The following THSD7B variants were observed in gnomAD, a reference collection of about 807,000 sequenced individuals.
The protein encoded by THSD7B is thrombospondin type-1 domain-containing protein 7B.
A neutral mutation model predicts 213.6 loss-of-function variants in THSD7B; 138 were observed. That is an observed-to-expected ratio of 0.65 (90% CI 0.56 to 0.74). THSD7B has a LOEUF of 0.74. Among genes scored for constraint, THSD7B ranks in the 30% least tolerant of loss-of-function variants. THSD7B has a pLI of 0.00. For synonymous variants in THSD7B, 742 were observed against 687.0 expected (o/e 1.08, Z -1.25); for missense variants, 1,931 against 1,991.5 (o/e 0.97, Z 0.58).
At chr2:137,251,258 C>G (rs976214769) in intron 10 of THSD7B, among the ~76,000 whole-genome samples, 2 of 152,114 alleles carry the variant, frequency 1.3e-5, no homozygotes, top group African/African-American at 4.8e-5. Flanking sequence ...CGACGTTGGC[C>G]ACAGAGTGTG....
chr2:137,613,236 C>T (rs1015773755), intron 17 of THSD7B, among the ~76,000 whole-genome samples: 2 of 152,094 alleles, frequency 1.3e-5, no homozygotes, highest in Admixed American at 6.6e-5. Flanking sequence ...GTCTCTCTTT[C>T]GTGAATTGCA....
rs561186407 is a variant in THSD7B at position 137,011,065 on chromosome 2, T to C, written c.140-45355T>C. Among the ~76,000 whole-genome samples, 19 of 152,316 alleles carry C rather than the reference T, an allele frequency of 1.2e-4. No individual in the cohort carries two copies. In the South Asian group the frequency reaches 3.5e-3, roughly 28 times the overall value. On this transcript the variant is annotated intron_variant, in intron 2 of 27. Transcript: ENST00000409968. Reference sequence around the variant, plus strand: ...CTTGTTCTTTGATTTATCTTCCTAATAGTGATTCTGAACTATTTACATTCT... The same window carrying C: ...CTTGTTCTTTGATTTATCTTCCTAACAGTGATTCTGAACTATTTACATTCT...
intron 2 of THSD7B, among the ~76,000 whole-genome samples, chr2:136,980,034 G>C (rs1685548167): frequency 6.6e-6 from 1 of 151,946 alleles, no homozygotes; most frequent in South Asian, 2.1e-4. Context: ...TAGGGCTGCT[G>C]TGCTTTGCTG....
At position 136,788,398 on chromosome 2, in the gene THSD7B, G is replaced by C. The variant is rs1012249070; in HGVS notation, c.-36+22711G>C. ...AGTTATTATTTTTTCCAGATATGCT[G>C]TATGAAGTAGTTATTCAAATTGCAG... On this transcript the variant is annotated intron_variant, in intron 1 of 27. Coordinates refer to ENST00000409968, the MANE Select transcript of THSD7B (RefSeq NM_001316349.2). 3.9e-5 allele frequency among the ~76,000 whole-genome samples: 6 copies of C among 152,286 alleles called. No homozygotes were observed. In the East Asian group the frequency reaches 1.2e-3, roughly 29 times the overall value.
At chr2:136,847,962 T>A (rs985578584) in intron 1 of THSD7B, among the ~76,000 whole-genome samples, 2 of 152,128 alleles carry the variant, frequency 1.3e-5, no homozygotes, top group African/African-American at 4.8e-5. Flanking sequence ...CATTTAAAGG[T>A]TCCCCTCACA....
At chr2:137,644,542 C>T (rs1682994728) in intron 21 of THSD7B, among the ~76,000 whole-genome samples, 1 of 152,036 alleles carries the variant, frequency 6.6e-6, no homozygotes, top group Non-Finnish European at 1.5e-5. Flanking sequence ...TGAGTTTTTC[C>T]TGACTTCCAG....
rs185050751 is a variant in THSD7B, at chr2:137,544,951, G to C, written c.3139-18270G>C. ...GACAGGTTGTTTTGCTGGCTTAGCT[G>C]TTAGTGATTGGGCATCTCTTGTTCT... On this transcript the variant is annotated intron_variant, in intron 15 of 27. Coordinates refer to ENST00000409968, the MANE Select transcript of THSD7B (RefSeq NM_001316349.2). 2.8e-3 allele frequency among the ~76,000 whole-genome samples: 432 copies of C among 151,898 alleles called. 3 individuals are homozygous for C. The highest frequency in any genetic ancestry group is 1.0e-2 in the African/African-American group (413 of 41,492).
intron 15 of THSD7B, among the ~76,000 whole-genome samples, chr2:137,552,499 C>T (rs1341090115): frequency 6.6e-6 from 1 of 152,058 alleles, no homozygotes; most frequent in South Asian, 2.1e-4. Flanking sequence ...AGGATCATAC[C>T]AACCTTGTCT....
At chr2:137,671,928 G>T (rs1198572295) in intron 27 of THSD7B, among the ~76,000 whole-genome samples, 4 of 151,952 alleles carry the variant, frequency 2.6e-5, no homozygotes, top group Admixed American at 2.6e-4. Context: ...AAACAGTCTG[G>T]AATAACTTGT....
chr2:137,041,620 A>AATATATT (rs1435239562), intron 2 of THSD7B, among the ~76,000 whole-genome samples: 25 of 149,706 alleles, frequency 1.7e-4, no homozygotes, highest in African/African-American at 5.4e-4. Context: ...AAATATATGT[A>AATATATT]ATATATTATG....
At chr2:137,227,097 C>T (rs568074927) in intron 7 of THSD7B, among the ~76,000 whole-genome samples, 3 of 152,006 alleles carry the variant, frequency 2.0e-5, no homozygotes, top group African/African-American at 7.2e-5. Flanking sequence ...CTGCTCAATG[C>T]GTATGGGGCT....
chr2:137,357,558 C>T (rs1020101297), intron 12 of THSD7B, among the ~76,000 whole-genome samples: 2 of 152,136 alleles, frequency 1.3e-5, no homozygotes, highest in African/African-American at 4.8e-5. Flanking sequence ...GTTTAGTGTT[C>T]TTTCTTCTTG....
chr2:136,781,265 C>CAA (rs1553447986), intron 1 of THSD7B, among the ~76,000 whole-genome samples: 1 of 125,006 alleles, frequency 8.0e-6, no homozygotes, highest in East Asian at 2.5e-4. Flanking sequence ...CTTACCAGTT[C>CAA]TATTTTTTTT....
At chr2:136,928,561 G>T (rs1242051675) in intron 2 of THSD7B, among the ~76,000 whole-genome samples, 1 of 152,104 alleles carries the variant, frequency 6.6e-6, no homozygotes. Context: ...TAATGACCTA[G>T]GTTGGAAGGT....
chr2:137,609,883 G>A (rs1682256295), intron 17 of THSD7B, among the ~76,000 whole-genome samples: 1 of 152,094 alleles, frequency 6.6e-6, no homozygotes, highest in South Asian at 2.1e-4. Flanking sequence ...ATGGTGAGAG[G>A]TAGATGGGTT....
chr2:136,810,334 C>G (rs1682354266), intron 1 of THSD7B, among the ~76,000 whole-genome samples: 1 of 152,156 alleles, frequency 6.6e-6, no homozygotes, highest in Non-Finnish European at 1.5e-5. Context: ...AGGCTCCTCT[C>G]CATGAGCAGA....
At chr2:136,996,436 G>A (rs1685891679) in intron 2 of THSD7B, among the ~76,000 whole-genome samples, 1 of 151,456 alleles carries the variant, frequency 6.6e-6, no homozygotes, top group Non-Finnish European at 1.5e-5. Context: ...GAAACCCCCA[G>A]GCTCAGGCAA....
intron 12 of THSD7B, among the ~76,000 whole-genome samples, chr2:137,377,355 G>C (rs1309126247): frequency 1.3e-5 from 2 of 152,090 alleles, no homozygotes; most frequent in Admixed American, 6.6e-5. Context: ...CATGTGAAAA[G>C]AACTGCATTA....
At chr2:137,533,611 A>G (rs1680442471) in intron 15 of THSD7B, among the ~76,000 whole-genome samples, 1 of 151,946 alleles carries the variant, frequency 6.6e-6, no homozygotes, top group African/African-American at 2.4e-5. Flanking sequence ...ATGATATGCA[A>G]AACATTGCAT....
Sources: gnomAD v4.1 joint callset for allele counts (sites outside exome capture counted in the v4.1 genomes callset) on GRCh38, gnomAD v4.1.1 for gene constraint, MANE v1.5 for transcripts, NCBI Gene and HGNC (gene_info 2026-07-23, HGNC 2026-07-21) for gene names.